The following NCOR1 variants were observed in gnomAD, a reference collection of about 807,000 sequenced individuals.
The protein encoded by NCOR1 is nuclear receptor corepressor 1.
Under a neutral mutation model 288.1 loss-of-function variants are expected in NCOR1, and 63 were observed. That is an observed-to-expected ratio of 0.22 (90% CI 0.18 to 0.27). NCOR1 has a LOEUF of 0.27. Ranked by LOEUF, NCOR1 falls within the 10% of genes least tolerant of loss-of-function variation. The probability of loss-of-function intolerance (pLI) is 1.00; values close to 1 mark genes in which losing one functional copy is unlikely to be tolerated. For missense variants in NCOR1, 2,397 were observed against 3,019.2 expected (o/e 0.79, Z 4.83); for synonymous variants, 1,007 against 1,065.9 (o/e 0.94, Z 1.08).
At chr17:16,092,873 ATT>A (rs917929804) in intron 21 of NCOR1, among the ~76,000 whole-genome samples, 1 of 140,680 alleles carries the variant, frequency 7.1e-6, no homozygotes, top group Non-Finnish European at 1.6e-5. Flanking sequence ...TAATTTTTCT[ATT>A]TTTTTTTTAG....
intron 8 of NCOR1, among the ~76,000 whole-genome samples, chr17:16,150,214 AGTAATTTTTT>A (rs2078638761): frequency 6.6e-6 from 1 of 152,140 alleles, no homozygotes; most frequent in Non-Finnish European, 1.5e-5. Context: ...GGCAAGTAGA[AGTAATTTTTT>A]GGATTATCTG....
intron 26 of NCOR1, among the ~76,000 whole-genome samples, chr17:16,077,001 G>A (rs558748369): frequency 1.3e-5 from 2 of 152,186 alleles, no homozygotes; most frequent in African/African-American, 2.4e-5. Flanking sequence ...ATTGGGCTAT[G>A]AAGTTTTGCC....
In NCOR1 at chr17:16,121,186, T is replaced by C; in HGVS notation, c.1718A>G (p.Lys573Arg). The C allele has an allele frequency of 6.2e-7, 1 of 1,614,116 alleles. No individual in the cohort carries two copies. The highest frequency in any genetic ancestry group is 2.2e-5 in the East Asian group (1 of 44,882). ...EREQATPRGR[K>R]TANSQGRRKG... Reference sequence around the variant, plus strand: ...ACGGCGGCCCTGACTGTTGGCAGTCTTTCGCCCCCGGGGTGTGGCTTGCTC... The same window carrying C: ...ACGGCGGCCCTGACTGTTGGCAGTCCTTCGCCCCCGGGGTGTGGCTTGCTC... The change falls in exon 16 of 46, where the codon AAG becomes AGG. Residue 573 changes from lysine to arginine, a missense_variant. Around this residue, in one of 11 missense-constraint regions of NCOR1, gnomAD observed 113 missense variants for 139.5 expected, o/e 0.81. Transcript: ENST00000268712.
intron 8 of NCOR1, among the ~76,000 whole-genome samples, chr17:16,150,213 A>G (rs2078638283): frequency 6.6e-6 from 1 of 152,144 alleles, no homozygotes; most frequent in Non-Finnish European, 1.5e-5. Context: ...AGGCAAGTAG[A>G]AGTAATTTTT....
At chr17:16,117,311 G>A (rs962333202) in intron 18 of NCOR1, among the ~76,000 whole-genome samples, 1 of 152,016 alleles carries the variant, frequency 6.6e-6, no homozygotes, top group South Asian at 2.1e-4. Flanking sequence ...AGAAACTTCG[G>A]AGGAGGAAAG....
intron 1 of NCOR1, among the ~76,000 whole-genome samples, chr17:16,197,621 T>C (rs1317979293): frequency 2.6e-5 from 4 of 152,090 alleles, no homozygotes; most frequent in Non-Finnish European, 5.9e-5. Context: ...ATCACAAAAT[T>C]GTGGCAAAAT....
At chr17:16,057,393 C>T (rs895037651) in intron 40 of NCOR1, 121 bp downstream of exon 40, 4 of 974,398 alleles carry the variant, frequency 4.1e-6, no homozygotes, top group East Asian at 2.5e-5. Context: ...CTCATTTACA[C>T]TTTCCTGGGA....
intron 4 of NCOR1, among the ~76,000 whole-genome samples, chr17:16,167,710 A>C (rs529817169): frequency 1.6e-4 from 24 of 151,800 alleles, no homozygotes; most frequent in Non-Finnish European, 2.8e-4. Context: ...AACTACAAAA[A>C]TCAGCCAGGT....
At chr17:16,181,187 G>A (rs191688162) in intron 3 of NCOR1, among the ~76,000 whole-genome samples, 67 of 143,668 alleles carry the variant, frequency 4.7e-4, no homozygotes, top group Non-Finnish European at 8.8e-4. Context: ...AAAATGTGAT[G>A]TGTGTGTGTA....
intron 7 of NCOR1, among the ~76,000 whole-genome samples, chr17:16,153,006 T>A (rs1331009333): frequency 6.6e-6 from 1 of 152,150 alleles, no homozygotes; most frequent in African/African-American, 2.4e-5. Flanking sequence ...TTCAAAGTAT[T>A]AATACTCCCT....
chr17:16,156,365 G>A (rs571648584), intron 6 of NCOR1, among the ~76,000 whole-genome samples: 1 of 151,968 alleles, frequency 6.6e-6, no homozygotes, highest in African/African-American at 2.4e-5. Flanking sequence ...GAACCTGGGA[G>A]GTGGAGGTTG....
chr17:16,054,247 T>G (rs112795731), intron 40 of NCOR1, among the ~76,000 whole-genome samples: 4,814 of 152,168 alleles, frequency 0.032, 258 homozygotes, highest in African/African-American at 0.11. Context: ...AAAAGGAAAC[T>G]GTCAACAGAG....
chr17:16,174,542 C>T (rs1029627341), intron 3 of NCOR1, among the ~76,000 whole-genome samples: 3 of 152,172 alleles, frequency 2.0e-5, no homozygotes, highest in African/African-American at 7.2e-5. Flanking sequence ...AACAGGACAA[C>T]TCAGAAAACA....
intron 44 of NCOR1, among the ~76,000 whole-genome samples, chr17:16,037,063 G>A (rs1328141165): frequency 6.6e-6 from 1 of 152,164 alleles, no homozygotes. Context: ...ACACTTAGAA[G>A]CCATTGCAGG....
At chr17:16,112,556 C>T (rs537658950) in intron 18 of NCOR1, among the ~76,000 whole-genome samples, 25 of 152,074 alleles carry the variant, frequency 1.6e-4, no homozygotes, top group African/African-American at 4.6e-4. Flanking sequence ...AGTACAGTGG[C>T]GCGATCTCAG....
Position 16,208,753 on chromosome 17 carries a change from G to A in NCOR1, c.-71+6609C>T, listed in dbSNP as rs543573834. Among the ~76,000 whole-genome samples the A allele has an allele frequency of 3.9e-5, 6 of 151,946 alleles. No individual in the cohort carries two copies. The East Asian group carries it at 9.7e-4, about 24-fold the overall frequency. On this transcript the variant is annotated intron_variant, in intron 1 of 45. Transcript: ENST00000268712. ...AGTCCCAGCTACTCAGAAGAACCGCGTGAGCCCAGGACTCGGAGGCTGCAT... is the reference window on the plus strand; with the variant it reads ...AGTCCCAGCTACTCAGAAGAACCGCATGAGCCCAGGACTCGGAGGCTGCAT...
chr17:16,070,291 G>A lies in NCOR1; in HGVS notation c.4387C>T (p.Leu1463=), dbSNP rs2152723692. 2.5e-6 allele frequency: 4 copies of A among 1,614,144 alleles called. No homozygotes were observed. The highest frequency in any genetic ancestry group is 3.4e-6 in the Non-Finnish European group (4 of 1,180,032). The change falls in exon 31 of 46, where the codon CTG becomes TTG. Residue 1463 remains leucine, a synonymous_variant. Transcript: ENST00000268712. ...SSGPSVLRST[L]HEAPKAQLSP... ...AGTTGTGCTTTGGGAGCTTCATGCA[G>A]TGTGGACCTAAGAACGGAGGGGCCA...
chr17:16,192,769 G>C (rs1331082606), intron 2 of NCOR1, among the ~76,000 whole-genome samples: 1 of 152,144 alleles, frequency 6.6e-6, no homozygotes, highest in Non-Finnish European at 1.5e-5. Context: ...CAAACATATA[G>C]ATATATGTTT....
chr17:16,153,255 T>C, intron 7 of NCOR1, 84 bp downstream of exon 7: 1 of 943,564 alleles, frequency 1.1e-6, no homozygotes, highest in Non-Finnish European at 1.6e-6. Context: ...CCAAAATAAA[T>C]GGATCATATT....
Sources: gnomAD v4.1 joint callset for allele counts (sites outside exome capture counted in the v4.1 genomes callset) on GRCh38, gnomAD v4.1.1 for gene constraint, gnomAD v4.1.1 regional missense constraint, MANE v1.5 for transcripts, NCBI Gene and HGNC (gene_info 2026-07-23, HGNC 2026-07-21) for gene names.